TMEM135: variants seen among roughly 807,000 people sequenced by gnomAD.
TMEM135 encodes transmembrane protein 135, also known as peroxisomal membrane protein 52.
In TMEM135, 30 loss-of-function variants were observed where a neutral mutation model predicts 60.3. That is an observed-to-expected ratio of 0.50 (90% CI 0.37 to 0.68). The LOEUF (loss-of-function observed/expected upper bound fraction) is 0.68, where lower values mean the gene tolerates loss of function less well. TMEM135 is among the 30% of genes least tolerant of loss of function. TMEM135 has a pLI of 0.00. For synonymous variants in TMEM135, 190 were observed against 186.7 expected (o/e 1.02, Z -0.14); for missense variants, 468 against 548.8 (o/e 0.85, Z 1.47).
intron 4 of TMEM135, among the ~76,000 whole-genome samples, chr11:87,128,514 A>G (rs1459828990): frequency 6.6e-6 from 1 of 152,178 alleles, no homozygotes; most frequent in Non-Finnish European, 1.5e-5. Context: ...TATGTATGGT[A>G]CCATTAAGCA....
chr11:87,266,883 G>A (rs1220083030), intron 6 of TMEM135, among the ~76,000 whole-genome samples: 1 of 152,196 alleles, frequency 6.6e-6, no homozygotes, highest in East Asian at 1.9e-4. Context: ...TGGTGATTAT[G>A]TTTTGTTGTG....
chr11:87,272,961 A>G (rs1023484423), intron 6 of TMEM135, among the ~76,000 whole-genome samples: 7 of 152,214 alleles, frequency 4.6e-5, no homozygotes, highest in Admixed American at 6.5e-5. Flanking sequence ...CTTTTAGGCT[A>G]TAGCCGATAA....
intron 5 of TMEM135, among the ~76,000 whole-genome samples, chr11:87,187,594 G>A (rs1386719621): frequency 6.6e-6 from 1 of 152,216 alleles, no homozygotes; most frequent in Admixed American, 6.5e-5. Context: ...GGTAAGATGA[G>A]CTGAAACATG....
intron 3 of TMEM135, among the ~76,000 whole-genome samples, chr11:87,080,173 T>G (rs1387853912): frequency 6.6e-6 from 1 of 150,682 alleles, no homozygotes; most frequent in Non-Finnish European, 1.5e-5. Context: ...GCAGTGTTTT[T>G]TTTTTTTTTT....
At chr11:87,123,683 G>A (rs1046256189) in intron 4 of TMEM135, among the ~76,000 whole-genome samples, 5 of 152,106 alleles carry the variant, frequency 3.3e-5, no homozygotes, top group African/African-American at 1.2e-4. Flanking sequence ...TTAGCCATGT[G>A]CTCTATTTGC....
rs533013759 is a variant in TMEM135, at chr11:87,277,456, A to C, written c.510-18326A>C. On this transcript the variant is annotated intron_variant, in intron 6 of 14. Coordinates refer to ENST00000305494, the MANE Select transcript of TMEM135 (RefSeq NM_022918.4). ...CAAAAACAAGATTTTTAAAAACGTG[A>C]AACTGCCGTATTGGATCACATTTGC... 1.5e-4 allele frequency: 28 copies of C among 187,782 alleles called. No individual in the cohort carries two copies. The South Asian group carries it at 1.9e-3, about 13-fold the overall frequency. The allele number at this position is 187,782 out of a possible 1,614,324, so 11.6% of individuals were successfully genotyped here. A position where few individuals can be genotyped will look rare whatever the true frequency, so the allele number is the denominator to read the frequency against.
intron 6 of TMEM135, chr11:87,258,972 C>A: frequency 6.5e-7 from 1 of 1,528,148 alleles, no homozygotes; most frequent in South Asian, 1.1e-5. Context: ...TCTTCTCAGT[C>A]TCAAAGACAA....
chr11:87,152,670 C>G (rs1199271780), intron 4 of TMEM135, among the ~76,000 whole-genome samples: 1 of 152,140 alleles, frequency 6.6e-6, no homozygotes, highest in East Asian at 1.9e-4. Context: ...AACTCCTGAC[C>G]TCAGGCGCCC....
At chr11:87,279,493 C>T (rs905865100) in intron 6 of TMEM135, among the ~76,000 whole-genome samples, 2 of 152,246 alleles carry the variant, frequency 1.3e-5, no homozygotes, top group South Asian at 2.1e-4. Flanking sequence ...GTGCTTAGTA[C>T]AATAATCACA....
Position 87,324,000 on chromosome 11 carries a change from T to A in TMEM135, c.*2667T>A, listed in dbSNP as rs1942873134. On this transcript the variant is annotated 3_prime_UTR_variant, in exon 15 of 15. Transcript: ENST00000305494. ...TGTTATTTAATTTAGAATTTTATAT[T>A]TTTTTGGCTCTCAGATTTTATAATG... 2.2e-6 allele frequency: 1 copy of A among 453,834 alleles called. No homozygotes were observed. Among genetic ancestry groups the A allele is most frequent in the South Asian group, 1.6e-5 (1 of 64,334 alleles). 28.1% of individuals were successfully genotyped at this position (453,834 alleles called of 1,614,324 possible). A position where few individuals can be genotyped will look rare whatever the true frequency, so the allele number is the denominator to read the frequency against.
chr11:87,169,057 C>A (rs934996245), intron 5 of TMEM135, among the ~76,000 whole-genome samples: 2 of 151,744 alleles, frequency 1.3e-5, no homozygotes, highest in Non-Finnish European at 2.9e-5. Flanking sequence ...TTATGTAATG[C>A]CCTTCTTTGT....
intron 5 of TMEM135, among the ~76,000 whole-genome samples, chr11:87,173,899 T>C (rs960646917): frequency 3.9e-5 from 6 of 152,194 alleles, no homozygotes; most frequent in African/African-American, 1.4e-4. Context: ...CTAGTGCCAG[T>C]ATCTCAGTAA....
At chr11:87,272,057 T>A (rs1195700543) in intron 6 of TMEM135, among the ~76,000 whole-genome samples, 2 of 142,364 alleles carry the variant, frequency 1.4e-5, no homozygotes, top group African/African-American at 5.7e-5. Flanking sequence ...TTTTCTTTTT[T>A]TTTTTTTTTT....
intron 6 of TMEM135, among the ~76,000 whole-genome samples, chr11:87,275,098 G>A (rs1251586774): frequency 6.6e-6 from 1 of 151,716 alleles, no homozygotes; most frequent in Non-Finnish European, 1.5e-5. Context: ...CAATTTTTCT[G>A]TTAAAATAAA....
At chr11:87,082,687 A>G (rs2135157000) in intron 3 of TMEM135, among the ~76,000 whole-genome samples, 1 of 152,324 alleles carries the variant, frequency 6.6e-6, no homozygotes, top group East Asian at 1.9e-4. Flanking sequence ...TCTAAGATTG[A>G]ACGTTTAGAA....
chr11:87,084,620 TG>T (rs916458620), intron 3 of TMEM135, among the ~76,000 whole-genome samples: 20 of 152,318 alleles, frequency 1.3e-4, no homozygotes, highest in Middle Eastern at 3.4e-3. Context: ...ATACTTTTTT[TG>T]ATAACACCCC....
At chr11:87,268,325 A>G (rs1591155051) in intron 6 of TMEM135, among the ~76,000 whole-genome samples, 2 of 150,654 alleles carry the variant, frequency 1.3e-5, no homozygotes, top group East Asian at 3.9e-4. Flanking sequence ...TATGTTTTCC[A>G]GGCTGATCTG....
intron 6 of TMEM135, among the ~76,000 whole-genome samples, chr11:87,253,518 A>G (rs2135393797): frequency 6.6e-6 from 1 of 151,916 alleles, no homozygotes; most frequent in Non-Finnish European, 1.5e-5. Context: ...CACCACTAAT[A>G]TGTTATTCAT....
chr11:87,039,885 T>C (rs1949735937), intron 1 of TMEM135, among the ~76,000 whole-genome samples: 1 of 152,242 alleles, frequency 6.6e-6, no homozygotes, highest in Non-Finnish European at 1.5e-5. Context: ...AGACAATTTA[T>C]GGATTATAGT....
Sources: allele counts gnomAD v4.1 joint callset (sites outside exome capture counted in the v4.1 genomes callset), GRCh38; gene constraint gnomAD v4.1.1; transcripts MANE v1.5; gene names NCBI Gene and HGNC (gene_info 2026-07-23, HGNC 2026-07-21).